The following CSMD1 variants were observed in gnomAD, a reference collection of about 807,000 sequenced individuals.
The protein encoded by CSMD1 is CUB and Sushi multiple domains 1.
A neutral mutation model predicts 417.5 loss-of-function variants in CSMD1; 213 were observed. The observed-to-expected ratio is 0.51, with a 90% CI of 0.46 to 0.57. CSMD1 has a LOEUF of 0.57. Among genes scored for constraint, CSMD1 ranks in the 20% least tolerant of loss-of-function variants. The pLI is 0.00. For missense variants in CSMD1, 6,923 were observed against 4,529.7 expected, an observed-to-expected ratio of 1.53 and a Z score of -15.17; for synonymous variants, 2,862 against 1,736.8, an observed-to-expected ratio of 1.65 and a Z score of -16.11.
At chr8:3,094,091 T>C (rs962309480) in intron 47 of CSMD1, among the ~76,000 whole-genome samples, 10 of 148,684 alleles carry the variant, frequency 6.7e-5, no homozygotes, top group Admixed American at 5.3e-4. Flanking sequence ...GGGTTTTTTT[T>C]ATTTTATTTT....
At chr8:3,870,493 T>G (rs1209357761) in intron 5 of CSMD1, among the ~76,000 whole-genome samples, 1 of 152,086 alleles carries the variant, frequency 6.6e-6, no homozygotes, top group Non-Finnish European at 1.5e-5. Context: ...ATTGAGGGAT[T>G]AATGTCTAAG....
At chr8:4,893,650 C>G (rs762212070) in intron 1 of CSMD1, among the ~76,000 whole-genome samples, 2 of 152,016 alleles carry the variant, frequency 1.3e-5, no homozygotes, top group Non-Finnish European at 2.9e-5. Flanking sequence ...TTATGAGAAG[C>G]CGAACTTCTT....
intron 11 of CSMD1, among the ~76,000 whole-genome samples, chr8:3,478,675 G>T (rs956111640): frequency 6.6e-6 from 1 of 152,122 alleles, no homozygotes; most frequent in African/African-American, 2.4e-5. Context: ...TTCTCCAGAT[G>T]CAACTGTGAC....
intron 10 of CSMD1, among the ~76,000 whole-genome samples, chr8:3,509,475 G>T (rs1375242435): frequency 6.6e-6 from 1 of 152,168 alleles, no homozygotes; most frequent in East Asian, 1.9e-4. Flanking sequence ...ACAAGTCGTT[G>T]AACTATTTTT....
intron 26 of CSMD1, among the ~76,000 whole-genome samples, chr8:3,257,284 A>G (rs961910500): frequency 1.3e-5 from 2 of 152,234 alleles, no homozygotes; most frequent in Admixed American, 1.3e-4. Context: ...AAACCGTGCC[A>G]CTGCACTCCA....
chr8:4,797,728 AG>A (rs1353906488), intron 1 of CSMD1, among the ~76,000 whole-genome samples: 1 of 152,232 alleles, frequency 6.6e-6, no homozygotes, highest in East Asian at 1.9e-4. Context: ...TAACTGGGAT[AG>A]GTACATACAA....
At chr8:4,949,642 C>T (rs566448283) in intron 1 of CSMD1, among the ~76,000 whole-genome samples, 1 of 152,128 alleles carries the variant, frequency 6.6e-6, no homozygotes, top group African/African-American at 2.4e-5. Context: ...AAGCATCTGA[C>T]CCCACATGGC....
chr8:4,881,488 C>G (rs1162506026), intron 1 of CSMD1, among the ~76,000 whole-genome samples: 1 of 150,662 alleles, frequency 6.6e-6, no homozygotes, highest in Non-Finnish European at 1.5e-5. Flanking sequence ...GCAATAAACC[C>G]TTGCCTATAG....
At chr8:4,306,515 T>C (rs62478628) in intron 3 of CSMD1, among the ~76,000 whole-genome samples, 10,199 of 152,232 alleles carry the variant, frequency 0.067, 459 homozygotes, top group Non-Finnish European at 0.095. Context: ...ACCACTGATA[T>C]CCACTGCTCA....
intron 5 of CSMD1, among the ~76,000 whole-genome samples, chr8:3,964,574 G>A (rs1337662595): frequency 6.6e-6 from 1 of 152,132 alleles, no homozygotes; most frequent in Non-Finnish European, 1.5e-5. Context: ...AGTCTTGCAG[G>A]TTAATTCTCT....
At chr8:4,326,596 C>G (rs770767873) in intron 3 of CSMD1, among the ~76,000 whole-genome samples, 1 of 152,074 alleles carries the variant, frequency 6.6e-6, no homozygotes, top group East Asian at 1.9e-4. Context: ...TTTTTCTCTC[C>G]TACGGAGAAA....
intron 2 of CSMD1, among the ~76,000 whole-genome samples, chr8:4,637,007 G>C (rs1014420664): frequency 3.7e-4 from 57 of 152,256 alleles, no homozygotes; most frequent in African/African-American, 1.4e-3. Context: ...ACTGAAAAAA[G>C]GGCATTCCTA....
intron 37 of CSMD1, among the ~76,000 whole-genome samples, chr8:3,177,826 A>G (rs1051695710): frequency 2.6e-5 from 4 of 152,112 alleles, no homozygotes; most frequent in African/African-American, 9.7e-5. Context: ...AGGCTTTGTA[A>G]TTTCCAGGAT....
At chr8:4,289,775 C>A (rs1279161015) in intron 3 of CSMD1, among the ~76,000 whole-genome samples, 7 of 152,116 alleles carry the variant, frequency 4.6e-5, no homozygotes, top group Non-Finnish European at 1.0e-4. Flanking sequence ...CTGGAAGCAC[C>A]ATAGTTAAAA....
chr8:3,754,001 T>C lies in CSMD1; in HGVS notation c.860A>G (p.Lys287Arg), dbSNP rs1281209477. ...GGTGAAATGGAGTCGTAGCCAATTC[T>C]TGCTACTGATAACTGGAGAGGGGAG... ...MNLPSPVISS[K>R]NWLRLHFTSD... The change falls in exon 6 of 70, where the codon AAG (lysine) becomes AGG (arginine). Residue 287 changes from lysine (K) to arginine (R), a missense_variant. Transcript: ENST00000635120. The C allele has an allele frequency of 6.2e-7, 1 of 1,613,258 alleles. No individual in the cohort carries two copies. Among genetic ancestry groups the C allele is most frequent in the African/African-American group, 1.3e-5 (1 of 74,890 alleles).
intron 3 of CSMD1, among the ~76,000 whole-genome samples, chr8:4,356,345 C>G (rs1376912678): frequency 6.6e-6 from 1 of 151,808 alleles, no homozygotes; most frequent in African/African-American, 2.4e-5. Context: ...CACACACACA[C>G]ACACCAGTTT....
intron 5 of CSMD1, among the ~76,000 whole-genome samples, chr8:3,788,951 G>A (rs1010591256): frequency 1.3e-5 from 2 of 152,296 alleles, no homozygotes; most frequent in Admixed American, 6.5e-5. Context: ...CAGTATTGTA[G>A]AATTTAAATG....
In CSMD1 at chr8:3,230,034, T is replaced by C. The variant is rs1469474885; in HGVS notation, c.4345+6A>G. 1 of 1,569,834 alleles carries C rather than the reference T, an allele frequency of 6.4e-7. No homozygotes were observed. The highest frequency in any genetic ancestry group is 1.9e-5 in the Admixed American group (1 of 53,296). On this transcript the variant is annotated splice_donor_region_variant and intron_variant, in intron 27 of 69. Transcript: ENST00000635120. Reference sequence around the variant, plus strand: ...TATAAAATTTCTAAGTTCTGTTGTCTGATACCTATGCATGTAGGAGGGTCT... The same window carrying C: ...TATAAAATTTCTAAGTTCTGTTGTCCGATACCTATGCATGTAGGAGGGTCT...
intron 8 of CSMD1, among the ~76,000 whole-genome samples, chr8:3,598,662 G>A (rs1411731086): frequency 6.6e-6 from 1 of 152,174 alleles, no homozygotes; most frequent in Non-Finnish European, 1.5e-5. Flanking sequence ...CTAAGGAAAT[G>A]AAAGAATGAA....
Sources: allele counts gnomAD v4.1 joint callset (sites outside exome capture counted in the v4.1 genomes callset), GRCh38; gene constraint gnomAD v4.1.1; transcripts MANE v1.5; gene names NCBI Gene and HGNC (gene_info 2026-07-23, HGNC 2026-07-21).